Variants in PIKFYVE observed in about 807,000 individuals in gnomAD.
PIKFYVE encodes the protein 1-phosphatidylinositol 3-phosphate 5-kinase.
A neutral mutation model predicts 257.9 loss-of-function variants in PIKFYVE; 122 were observed. That is an observed-to-expected ratio of 0.47 (90% confidence interval 0.41 to 0.55). The LOEUF (loss-of-function observed/expected upper bound fraction) is 0.55. Ranked by LOEUF, PIKFYVE falls within the 20% of genes least tolerant of loss-of-function variation. The probability of loss-of-function intolerance (pLI) is 0.00; values close to 1 mark genes in which losing one functional copy is unlikely to be tolerated. For missense variants in PIKFYVE, 2,160 were observed against 2,536.6 expected (o/e 0.85, Z 3.19); for synonymous variants, 892 against 868.9 (o/e 1.03, Z -0.47).
At chr2:208,277,803 G>A in intron 5 of PIKFYVE, 95 bp downstream of exon 5, 2 of 1,380,522 alleles carry the variant, frequency 1.4e-6, no homozygotes, top group Middle Eastern at 1.9e-4. Flanking sequence ...TTCATTTTGG[G>A]TTTTATGTGT....
At chr2:208,282,356 C>T (rs1690923663) in intron 5 of PIKFYVE, among the ~76,000 whole-genome samples, 1 of 152,112 alleles carries the variant, frequency 6.6e-6, no homozygotes. Context: ...TTCTTGGTAC[C>T]AAAATATGTA....
At chr2:208,283,157 A>G (rs1466194146) in intron 5 of PIKFYVE, among the ~76,000 whole-genome samples, 3 of 152,204 alleles carry the variant, frequency 2.0e-5, no homozygotes, top group Admixed American at 6.5e-5. Context: ...ACAGTTATAC[A>G]TTGTGACCCT....
chr2:208,346,428 GTTTAAAATA>G (rs1039846635), intron 34 of PIKFYVE, among the ~76,000 whole-genome samples: 2 of 152,176 alleles, frequency 1.3e-5, no homozygotes, highest in African/African-American at 4.8e-5. Flanking sequence ...AGAGCTTTCA[GTTTAAAATA>G]TACAACCTAA....
intron 1 of PIKFYVE, among the ~76,000 whole-genome samples, chr2:208,266,699 C>G (rs1400152851): frequency 6.6e-6 from 1 of 152,214 alleles, no homozygotes; most frequent in Non-Finnish European, 1.5e-5. Flanking sequence ...GCCTCTCTCT[C>G]GACCCTTACG....
intron 12 of PIKFYVE, chr2:208,305,446 TGGG>T (rs1559091773): frequency 1.0e-6 from 1 of 992,908 alleles, no homozygotes. Flanking sequence ...TGAACTAGAT[TGGG>T]GGAAAATCAT....
chr2:208,347,578 C>G (rs548799547), intron 34 of PIKFYVE, among the ~76,000 whole-genome samples: 2 of 152,160 alleles, frequency 1.3e-5, no homozygotes, highest in South Asian at 4.2e-4. Context: ...AGATAATTCC[C>G]TATATTTTTA....
At chr2:208,302,502 T>C (rs1348783452) in intron 10 of PIKFYVE, 149 bp downstream of exon 10, 8 of 732,734 alleles carry the variant, frequency 1.1e-5, no homozygotes, top group African/African-American at 5.3e-5. Context: ...TTTTTTTACT[T>C]GGTAGGCAGC....
chr2:208,275,918 A>G (rs1289339906), intron 3 of PIKFYVE, among the ~76,000 whole-genome samples: 1 of 152,226 alleles, frequency 6.6e-6, no homozygotes, highest in Non-Finnish European at 1.5e-5. Context: ...GTCTAAATTA[A>G]GGAAATAATA....
chr2:208,273,427 G>A (rs994691200), intron 2 of PIKFYVE, among the ~76,000 whole-genome samples, 157 bp from the exon 3 acceptor site: 2 of 151,926 alleles, frequency 1.3e-5, no homozygotes, highest in African/African-American at 4.8e-5. Context: ...GGGAGAACCT[G>A]CTTGTATTTA....
At chr2:208,314,524 T>A in intron 14 of PIKFYVE, 101 bp downstream of exon 14, 1 of 1,324,940 alleles carries the variant, frequency 7.5e-7, no homozygotes. Flanking sequence ...GGTCTTTTTC[T>A]TTTTCCTTAG....
intron 3 of PIKFYVE, among the ~76,000 whole-genome samples, chr2:208,276,202 C>G (rs1690082732): frequency 6.6e-6 from 1 of 152,128 alleles, no homozygotes; most frequent in Non-Finnish European, 1.5e-5. Flanking sequence ...GAAGGCTGGG[C>G]TATTAAACTT....
intron 3 of PIKFYVE, chr2:208,274,158 G>A: frequency 8.1e-7 from 1 of 1,227,960 alleles, no homozygotes; most frequent in Non-Finnish European, 1.2e-6. Flanking sequence ...CCATTATTGG[G>A]CTGCCACTTG....
intron 5 of PIKFYVE, among the ~76,000 whole-genome samples, chr2:208,282,547 TTC>T (rs1690952580): frequency 6.6e-6 from 1 of 152,250 alleles, no homozygotes; most frequent in Non-Finnish European, 1.5e-5. Context: ...GAGACAGAAT[TTC>T]TTTTTCTTCA....
At chr2:208,287,629 C>T (rs987838499) in intron 6 of PIKFYVE, among the ~76,000 whole-genome samples, 1 of 151,926 alleles carries the variant, frequency 6.6e-6, no homozygotes, top group East Asian at 1.9e-4. Flanking sequence ...GAGATGGAGT[C>T]TCGCTCTGTC....
At chr2:208,350,645 A>G (rs1300415417) in intron 36 of PIKFYVE, 126 bp from the exon 37 acceptor site, 1 of 983,676 alleles carries the variant, frequency 1.0e-6, no homozygotes, top group Non-Finnish European at 1.6e-6. Context: ...TGGATCTAAC[A>G]TGCAAAATGC....
chr2:208,308,709 G>GTTT (rs34169884), intron 12 of PIKFYVE, among the ~76,000 whole-genome samples: 23 of 140,514 alleles, frequency 1.6e-4, no homozygotes, highest in Middle Eastern at 3.7e-3. Flanking sequence ...CTAGTAGTTG[G>GTTT]TTTTTTTTTT....
rs1223375715 is a variant in PIKFYVE at position 208,288,662 on chromosome 2, A to G, written c.822-67A>G. 2.9e-5 allele frequency: 46 copies of G among 1,599,184 alleles called. No homozygotes were observed. The Middle Eastern group carries it at 6.7e-4, about 23-fold the overall frequency. ...AAGATTAAATCTGCTTTTAATGTTAAAGCGCCTCATTGAAATTCCCTTTTA... is the reference window on the plus strand; with the variant it reads ...AAGATTAAATCTGCTTTTAATGTTAGAGCGCCTCATTGAAATTCCCTTTTA... On this transcript the variant is annotated intron_variant, in intron 6 of 41. Coordinates refer to ENST00000264380, the MANE Select transcript of PIKFYVE (RefSeq NM_015040.4).
At chr2:208,347,751 A>T in intron 34 of PIKFYVE, 108 bp from the exon 35 acceptor site, 1 of 927,974 alleles carries the variant, frequency 1.1e-6, no homozygotes, top group South Asian at 1.5e-5. Context: ...ACTCAGATTG[A>T]TTAGCTTCAT....
At chr2:208,345,250 A>G in intron 33 of PIKFYVE, 56 bp downstream of exon 33, 2 of 1,384,046 alleles carry the variant, frequency 1.4e-6, no homozygotes, top group Non-Finnish European at 2.0e-6. Context: ...CATTTTCTAT[A>G]TGCTTGTACT....
Sources: gnomAD v4.1 joint callset for allele counts (sites outside exome capture counted in the v4.1 genomes callset) on GRCh38, gnomAD v4.1.1 for gene constraint, MANE v1.5 for transcripts, NCBI Gene and HGNC (gene_info 2026-07-23, HGNC 2026-07-21) for gene names.